DLG2: variants seen among roughly 807,000 people sequenced by gnomAD.
DLG2 encodes the protein discs large MAGUK scaffold protein 2, also known as disks large homolog 2.
Under a neutral mutation model 132.5 loss-of-function variants are expected in DLG2, and 45 were observed. The observed-to-expected ratio is 0.34, with a 90% CI of 0.27 to 0.44. The LOEUF is 0.44. DLG2 is among the 20% of genes least tolerant of loss of function. The probability of loss-of-function intolerance (pLI) is 1.00; values close to 1 mark genes in which losing one functional copy is unlikely to be tolerated. For missense variants in DLG2, 1,045 were observed against 1,196.9 expected (o/e 0.87, Z 1.87); for synonymous variants, 424 against 419.6 (o/e 1.01, Z -0.13).
intron 6 of DLG2, among the ~76,000 whole-genome samples, chr11:84,756,107 TA>T (rs1198006745): frequency 4.6e-5 from 7 of 152,064 alleles, no homozygotes; most frequent in African/African-American, 7.2e-5. Context: ...CAAAAAATCA[TA>T]AAAAAAATTT....
At chr11:83,875,151 G>T (rs1186252015) in intron 15 of DLG2, among the ~76,000 whole-genome samples, 3 of 152,164 alleles carry the variant, frequency 2.0e-5, no homozygotes, top group Non-Finnish European at 4.4e-5. Context: ...TGAGCTATTT[G>T]ATGAACACAA....
chr11:84,571,448 C>T (rs1227314607), intron 6 of DLG2, among the ~76,000 whole-genome samples: 1 of 151,990 alleles, frequency 6.6e-6, no homozygotes, highest in African/African-American at 2.4e-5. Flanking sequence ...AGTGCAGCAT[C>T]CCAACAGAAC....
intron 17 of DLG2, among the ~76,000 whole-genome samples, chr11:83,826,837 T>G (rs1352091016): frequency 6.6e-6 from 1 of 152,128 alleles, no homozygotes; most frequent in Non-Finnish European, 1.5e-5. Context: ...GTGGCTTAGG[T>G]GAAAGGTTTC....
chr11:84,858,696 TCAAA>T (rs1186167291), intron 6 of DLG2, among the ~76,000 whole-genome samples: 1 of 152,040 alleles, frequency 6.6e-6, no homozygotes, highest in Non-Finnish European at 1.5e-5. Context: ...AGACAAGTAC[TCAAA>T]CAAGTCTCAA....
intron 6 of DLG2, among the ~76,000 whole-genome samples, chr11:84,986,889 A>G (rs1208026530): frequency 1.3e-5 from 2 of 152,188 alleles, no homozygotes; most frequent in Non-Finnish European, 2.9e-5. Flanking sequence ...CCTCTTCAAC[A>G]CAGTACTGGA....
At chr11:84,545,524 T>C (rs1022615766) in intron 6 of DLG2, 3 of 394,872 alleles carry the variant, frequency 7.6e-6, no homozygotes, top group Admixed American at 2.9e-5. Flanking sequence ...AATGAAGCAC[T>C]AGCCTTCTCT....
intron 3 of DLG2, among the ~76,000 whole-genome samples, chr11:85,335,605 T>C (rs1014489277): frequency 2.0e-5 from 3 of 152,240 alleles, no homozygotes; most frequent in Non-Finnish European, 2.9e-5. Flanking sequence ...AGAGGCCTTA[T>C]AGTAATGAAT....
intron 8 of DLG2, among the ~76,000 whole-genome samples, chr11:84,172,514 C>T (rs1429095386): frequency 7.1e-6 from 1 of 141,676 alleles, no homozygotes; most frequent in Non-Finnish European, 1.5e-5. Context: ...TAATTTTTTC[C>T]ATTCTTATTT....
At chr11:84,605,458 A>C (rs2099583786) in intron 6 of DLG2, among the ~76,000 whole-genome samples, 1 of 151,870 alleles carries the variant, frequency 6.6e-6, no homozygotes, top group Non-Finnish European at 1.5e-5. Context: ...TTAATCTTTT[A>C]AAATACTTAT....
intron 6 of DLG2, among the ~76,000 whole-genome samples, chr11:84,917,575 C>G (rs73518956): frequency 3.9e-4 from 60 of 152,182 alleles, no homozygotes; most frequent in African/African-American, 1.4e-3. Flanking sequence ...ATGCATAAAT[C>G]TTAGGTCATT....
At chr11:84,492,263 A>G (rs955082640) in intron 7 of DLG2, among the ~76,000 whole-genome samples, 4 of 152,156 alleles carry the variant, frequency 2.6e-5, no homozygotes, top group Non-Finnish European at 5.9e-5. Flanking sequence ...GCATATAATC[A>G]GTGATGATTT....
chr11:84,923,469 G>C, intron 6 of DLG2: 1 of 798,662 alleles, frequency 1.3e-6, no homozygotes, highest in Non-Finnish European at 1.5e-6. Context: ...AGCTCACTCA[G>C]GAAGGAGGGG....
At chr11:85,625,461 T>C (rs903181940) in intron 2 of DLG2, among the ~76,000 whole-genome samples, 3 of 152,212 alleles carry the variant, frequency 2.0e-5, no homozygotes, top group Non-Finnish European at 4.4e-5. Context: ...ATCCCAATCT[T>C]AAATCCCAGT....
rs571724396 is a variant in DLG2 at position 84,058,137 on chromosome 11, T to C, written c.919+1178A>G. On this transcript the variant is annotated intron_variant, in intron 11 of 27. Transcript: ENST00000376104. Reference sequence around the variant, plus strand: ...ACCCACTACTGCCTCCTAGAAGAGATGGTAGGCTTATTTTTTCAATCTCAT... The same window carrying C: ...ACCCACTACTGCCTCCTAGAAGAGACGGTAGGCTTATTTTTTCAATCTCAT... 7.0e-4 allele frequency among the ~76,000 whole-genome samples: 106 copies of C among 152,202 alleles called. 3 individuals are homozygous for C. Among genetic ancestry groups the C allele is most frequent in the African/African-American group, 2.3e-3 (96 of 41,528 alleles).
intron 6 of DLG2, among the ~76,000 whole-genome samples, chr11:85,034,723 G>A (rs2061313223): frequency 6.6e-6 from 1 of 152,108 alleles, no homozygotes; most frequent in Non-Finnish European, 1.5e-5. Context: ...CCCCTTTGCT[G>A]AGACTCTAGT....
At chr11:85,293,210 G>C (rs987820309) in intron 3 of DLG2, among the ~76,000 whole-genome samples, 1 of 152,012 alleles carries the variant, frequency 6.6e-6, no homozygotes, top group Middle Eastern at 3.2e-3. Flanking sequence ...TGCAACTAGT[G>C]GTAAAAAATA....
At chr11:85,240,167 AT>A (rs2075806136) in intron 4 of DLG2, among the ~76,000 whole-genome samples, 1 of 151,844 alleles carries the variant, frequency 6.6e-6, no homozygotes, top group African/African-American at 2.4e-5. Flanking sequence ...ATCTTTATAT[AT>A]TTATTGGCTA....
intron 6 of DLG2, among the ~76,000 whole-genome samples, chr11:84,880,648 A>G (rs1010222677): frequency 6.6e-6 from 1 of 152,204 alleles, no homozygotes; most frequent in African/African-American, 2.4e-5. Context: ...TACTTCAAAT[A>G]TAACATTTCC....
At chr11:85,512,943 G>C (rs184792162) in intron 3 of DLG2, among the ~76,000 whole-genome samples, 1 of 151,984 alleles carries the variant, frequency 6.6e-6, no homozygotes, top group Non-Finnish European at 1.5e-5. Context: ...AATCAACCCA[G>C]TTGCCCATCA....
Sources: allele counts gnomAD v4.1 joint callset (sites outside exome capture counted in the v4.1 genomes callset), GRCh38; gene constraint gnomAD v4.1.1; transcripts MANE v1.5; gene names NCBI Gene and HGNC (gene_info 2026-07-23, HGNC 2026-07-21).